Variants in DLL3 observed in about 807,000 individuals in gnomAD.
DLL3 encodes the protein delta-like protein 3.
Under a neutral mutation model 55.0 loss-of-function variants are expected in DLL3, and 49 were observed. That is an observed-to-expected ratio of 0.89 (90% CI 0.71 to 1.13). The LOEUF (loss-of-function observed/expected upper bound fraction) is 1.13, where lower values mean the gene tolerates loss of function less well. Among genes scored for constraint, DLL3 ranks in the 50% most tolerant of loss-of-function variants. The pLI is 0.00. For synonymous variants in DLL3, 421 were observed against 385.2 expected (o/e 1.09, Z -1.09); for missense variants, 962 against 875.5 (o/e 1.10, Z -1.25).
At position 39,505,312 on chromosome 19, in the gene DLL3, T is replaced by C. The variant is rs1600756293; in HGVS notation, c.954T>C (p.Asp318=). ...AGGTGAGCGGGGTGACATGTGCAGA[T>C]GGACCCTGCTTCAACGGCGGCTTGT... ...RCEVSGVTCA[D]GPCFNGGLCV... is the part of the protein sequence containing the mutation. Residue 318 remains aspartate (D), a synonymous_variant, in exon 6 of 9, where the codon GAT becomes GAC. Transcript: ENST00000356433. 1 of 1,614,174 alleles carries C rather than the reference T, an allele frequency of 6.2e-7. No individual in the cohort carries two copies. Among genetic ancestry groups the C allele is most frequent in the Non-Finnish European group, 8.5e-7 (1 of 1,180,024 alleles).
rs776036444 is a variant in DLL3 at position 39,507,299 on chromosome 19, G to T, written c.1354G>T (p.Val452Phe). The change falls in exon 7 of 9, where the codon GTC becomes TTC. Residue 452 changes from valine to phenylalanine, a missense_variant. Physicochemically the swap from Val to Phe is conservative, Grantham distance 50. Coordinates refer to ENST00000356433, the MANE Select transcript of DLL3 (RefSeq NM_203486.3). ...GRCYAHFSGL[V>F]CACAPGYMGA... is the part of the protein sequence containing the mutation. ...CTGCTACGCCCACTTCTCCGGCCTC[G>T]TCTGCGCTTGCGCTCCCGGCTACAT... 2 of 1,552,622 alleles carry T rather than the reference G, an allele frequency of 1.3e-6. No homozygotes were observed. The highest frequency in any genetic ancestry group is 1.7e-6 in the Non-Finnish European group (2 of 1,156,790).
chr19:39,499,067 G>A (rs1335684449), intron 1 of DLL3, 24 bp downstream of exon 1: 2 of 1,613,972 alleles, frequency 1.2e-6, no homozygotes, highest in African/African-American at 2.7e-5. Flanking sequence ...GGGAGGTGGC[G>A]TGGAAAGGGA....
Position 39,498,957 on chromosome 19 carries a change from C to G in DLL3, c.-18C>G. 1 of 1,613,226 alleles carries G rather than the reference C, an allele frequency of 6.2e-7. No homozygotes were observed. Among genetic ancestry groups the G allele is most frequent in the Non-Finnish European group, 8.5e-7 (1 of 1,179,602 alleles). The stretch of plus-strand genomic sequence containing the variant: ...AAGCCAGCAGCTGCGACTCCCGAGA[C>G]CCCCCCACCAGAAGGCCATGGTCTC... On this transcript the variant is annotated 5_prime_UTR_variant, in exon 1 of 9. Coordinates refer to ENST00000356433, the MANE Select transcript of DLL3 (RefSeq NM_203486.3).
At chr19:39,503,262 C>T (rs2079621824) in intron 4 of DLL3, among the ~76,000 whole-genome samples, 1 of 152,192 alleles carries the variant, frequency 6.6e-6, no homozygotes, top group Admixed American at 6.5e-5. Context: ...CCCCGCCCAC[C>T]ATCCAGCTGC....
chr19:39,503,971 G>A (rs535945882), intron 4 of DLL3, 100 bp from the exon 5 acceptor site: 6 of 1,130,302 alleles, frequency 5.3e-6, no homozygotes, highest in African/African-American at 1.5e-5. Flanking sequence ...AAGCAAGGTG[G>A]CTCAGGGAAC....
At chr19:39,505,578 C>A (rs747037416) in intron 6 of DLL3, 127 bp downstream of exon 6, 2 of 955,306 alleles carry the variant, frequency 2.1e-6, no homozygotes, top group Non-Finnish European at 1.6e-6. Context: ...CTTCCACCTG[C>A]AAGCCTGTAA....
At chr19:39,501,304 A>G (rs1421313488) in intron 3 of DLL3, among the ~76,000 whole-genome samples, 1 of 151,958 alleles carries the variant, frequency 6.6e-6, no homozygotes, top group Non-Finnish European at 1.5e-5. Flanking sequence ...CTCGGCCCCT[A>G]TGTGAAGCTC....
At chr19:39,502,112 G>A (rs1229463384) in intron 3 of DLL3, among the ~76,000 whole-genome samples, 2 of 150,538 alleles carry the variant, frequency 1.3e-5, no homozygotes, top group East Asian at 2.0e-4. Context: ...GCGTGAACCC[G>A]GGAGGCGGAG....
In DLL3 at chr19:39,504,184, A is replaced by G; in HGVS notation, c.766A>G (p.Ser256Gly). The change falls in exon 5 of 9, where the codon AGC becomes GGC. Residue 256 changes from serine to glycine, a missense_variant. By Grantham distance (56) the Ser-to-Gly change is moderately conservative (BLOSUM62 0). Coordinates refer to ENST00000356433, the MANE Select transcript of DLL3 (RefSeq NM_203486.3). ...CTGCACGGTCCCTGTCTCCACCAGC[A>G]GCTGCCTCAGCCCCAGGGGCCCGTC... ...PLCTVPVSTSSCLSPRGPSSA... is the reference protein window; with the variant it reads ...PLCTVPVSTSGCLSPRGPSSA... The G allele has an allele frequency of 6.2e-7, 1 of 1,612,514 alleles. No homozygotes were observed. The highest frequency in any genetic ancestry group is 8.5e-7 in the Non-Finnish European group (1 of 1,180,032).
At chr19:39,506,948 C>A (rs1181909574) in intron 6 of DLL3, 91 bp from the exon 7 acceptor site, 2 of 1,357,722 alleles carry the variant, frequency 1.5e-6, no homozygotes, top group Non-Finnish European at 1.0e-6. Flanking sequence ...AAAAAGGGGA[C>A]CCCGTGCAGC....
intron 4 of DLL3, 79 bp from the exon 5 acceptor site, chr19:39,503,992 A>G: frequency 7.0e-7 from 1 of 1,436,870 alleles, no homozygotes; most frequent in South Asian, 1.2e-5. Context: ...GTGCTCAGAA[A>G]CCTCCCTGCT....
chr19:39,508,225 A>G (rs1197111482), intron 8 of DLL3, 27 bp from the exon 9 acceptor site: 2 of 1,613,808 alleles, frequency 1.2e-6, no homozygotes, highest in South Asian at 2.2e-5. Flanking sequence ...CAGCCTCTCT[A>G]ATGCTTCCTA....
intron 3 of DLL3, 142 bp from the exon 4 acceptor site, chr19:39,502,673 C>T (rs1409790195): frequency 9.4e-7 from 1 of 1,068,600 alleles, no homozygotes; most frequent in Middle Eastern, 3.4e-4. Context: ...CCATTCTACT[C>T]GCGAGGTCCA....
chr19:39,506,522 T>A (rs1004319514), intron 6 of DLL3, among the ~76,000 whole-genome samples: 1 of 152,048 alleles, frequency 6.6e-6, no homozygotes, highest in Admixed American at 6.6e-5. Context: ...GGCCGCACCC[T>A]CCTGGGGGAA....
chr19:39,503,103 G>C, intron 4 of DLL3, 46 bp downstream of exon 4: 1 of 1,509,946 alleles, frequency 6.6e-7, no homozygotes, highest in South Asian at 1.2e-5. Flanking sequence ...GGGGACCCCG[G>C]CCCCTCCTGA....
chr19:39,499,507 G>A, intron 2 of DLL3, 34 bp downstream of exon 2: 1 of 1,569,510 alleles, frequency 6.4e-7, no homozygotes, highest in Non-Finnish European at 8.6e-7. Flanking sequence ...CCCGGTGCTG[G>A]AGGCCTAACC....
In DLL3 at chr19:39,507,559, C is replaced by T. The variant is rs2079651707; in HGVS notation, c.1614C>T (p.His538=). The change falls in exon 7 of 9, where the codon CAC becomes CAT. Residue 538 remains histidine, a synonymous_variant. Coordinates refer to ENST00000356433, the MANE Select transcript of DLL3 (RefSeq NM_203486.3). ...CTGGGACCCCGGAGCCGTCAGTCCA[C>T]GCACTCCCGGATGCACTCAACAACC... The part of the protein sequence containing the change: ...LLAGTPEPSV[H]ALPDALNNLR... The T allele has an allele frequency of 6.2e-7, 1 of 1,608,356 alleles. No individual in the cohort carries two copies. Among genetic ancestry groups the T allele is most frequent in the Non-Finnish European group, 8.5e-7 (1 of 1,178,030 alleles).
In DLL3 at chr19:39,499,419, T is replaced by G. The variant is rs779324408; in HGVS notation, c.297T>G (p.Pro99=). 1 of 1,589,616 alleles carries G rather than the reference T, an allele frequency of 6.3e-7. No individual in the cohort carries two copies. The highest frequency in any genetic ancestry group is 8.5e-7 in the Non-Finnish European group (1 of 1,175,620). ...VYTEQPGAPA[P]DLPLPDGLLQ... is the part of the protein sequence containing the mutation. ...CCGAGCAGCCCGGAGCGCCCGCGCC[T>G]GATCTCCCACTGCCCGACGGCCTCT... The change falls in exon 2 of 9, where the codon CCT becomes CCG. Residue 99 remains proline (P), a synonymous_variant. Transcript: ENST00000356433.
chr19:39,499,469 G>A lies in DLL3; in HGVS notation c.347G>A (p.Trp116Ter). Residue 116 changes from tryptophan (W) to a stop codon, truncating the protein, a stop_gained, in exon 2 of 9, where the codon TGG becomes TAG. Transcript: ENST00000356433. LOFTEE classifies it high-confidence loss of function. ...TTGCAGGTGCCCTTCCGGGACGCCT[G>A]GCCTGTAAGTGCTGCCCCCGGGGGA... Reference protein sequence around the residue: ...GLLQVPFRDAWPGTFSFIIET... With the variant: ...GLLQVPFRDA 6.3e-7 allele frequency: 1 copy of A among 1,589,284 alleles called. No homozygotes were observed. The highest frequency in any genetic ancestry group is 8.5e-7 in the Non-Finnish European group (1 of 1,175,584).
Sources: gnomAD v4.1 joint callset for allele counts (sites outside exome capture counted in the v4.1 genomes callset) on GRCh38, gnomAD v4.1.1 for gene constraint, MANE v1.5 for transcripts, NCBI Gene and HGNC (gene_info 2026-07-23, HGNC 2026-07-21) for gene names.